Variants in RBFOX3 observed in about 807,000 individuals in gnomAD.
RBFOX3 encodes RNA binding protein fox-1 homolog 3.
A neutral mutation model predicts 48.7 loss-of-function variants in RBFOX3; 17 were observed. The ratio of observed to expected loss-of-function variants is 0.35; its 90% CI spans 0.24 to 0.52. The LOEUF (loss-of-function observed/expected upper bound fraction) is 0.52, where lower values mean the gene tolerates loss of function less well. Among genes scored for constraint, RBFOX3 ranks in the 20% least tolerant of loss-of-function variants. The pLI, the probability that RBFOX3 is intolerant of heterozygous loss-of-function variation, is 0.94. For synonymous variants in RBFOX3, 212 were observed against 209.5 expected (o/e 1.01, Z -0.10); for missense variants, 382 against 497.5 (o/e 0.77, Z 2.21).
At chr17:79,376,383 TG>T (rs2059224447) in intron 2 of RBFOX3, among the ~76,000 whole-genome samples, 1 of 151,806 alleles carries the variant, frequency 6.6e-6, no homozygotes. Context: ...AGAGGGAAGG[TG>T]GGGGTGGCAG....
At chr17:79,583,325 G>T (rs1463577173) in intron 1 of RBFOX3, among the ~76,000 whole-genome samples, 6 of 152,202 alleles carry the variant, frequency 3.9e-5, no homozygotes, top group Non-Finnish European at 2.9e-5. Context: ...CAACTGTTTA[G>T]TCTTTAGAGA....
At chr17:79,581,299 T>C (rs1428789075) in intron 1 of RBFOX3, among the ~76,000 whole-genome samples, 4 of 151,576 alleles carry the variant, frequency 2.6e-5, no homozygotes, top group Non-Finnish European at 5.9e-5. Flanking sequence ...AAAACACCAG[T>C]GCACTTAGGT....
intron 4 of RBFOX3, among the ~76,000 whole-genome samples, chr17:79,157,474 G>C (rs2377306): frequency 0.028 from 4,268 of 152,316 alleles, 181 homozygotes; most frequent in African/African-American, 0.096. Flanking sequence ...CTTCCCCCTG[G>C]GTCACCAAAT....
chr17:79,599,490 G>A (rs1338101581), intron 1 of RBFOX3: 1 of 152,276 alleles, frequency 6.6e-6, no homozygotes, highest in Non-Finnish European at 1.5e-5. Context: ...TTCGTGCCGT[G>A]ACCGTGAAGC....
At chr17:79,407,211 T>C (rs1031204952) in intron 2 of RBFOX3, among the ~76,000 whole-genome samples, 1 of 152,256 alleles carries the variant, frequency 6.6e-6, no homozygotes, top group South Asian at 2.1e-4. Context: ...TTTTGCCATG[T>C]TGGCCAGGCT....
chr17:79,498,461 CCATT>C lies in RBFOX3; in HGVS notation c.-319-15867_-319-15864del, dbSNP rs782533045. Among the ~76,000 whole-genome samples, 210 of 38,694 alleles carry C rather than the reference CCATT, an allele frequency of 5.4e-3. 1 individual carries two copies. The highest frequency in any genetic ancestry group is 0.04 in the South Asian group (32 of 794). 25.4% of individuals were successfully genotyped at this position (38,694 alleles called of 152,430 possible). On this transcript the variant is annotated intron_variant, in intron 1 of 14. Coordinates refer to ENST00000693108, the MANE Select transcript of RBFOX3 (RefSeq NM_001350451.2). ...TCCTTCCACCCACCCATCCATCTAC[CCATT>C]CACTCATCCATCCATCCATCCATAA...
At chr17:79,553,231 T>C (rs985526050) in intron 1 of RBFOX3, among the ~76,000 whole-genome samples, 3,470 of 152,352 alleles carry the variant, frequency 0.023, 98 homozygotes, top group Non-Finnish European at 0.03. Flanking sequence ...AAAAAGATAA[T>C]CGTGTGTTAA....
chr17:79,269,745 GTGTCAACACCC>G (rs1052840538), intron 3 of RBFOX3, among the ~76,000 whole-genome samples: 3 of 150,390 alleles, frequency 2.0e-5, no homozygotes, highest in Non-Finnish European at 2.9e-5. Flanking sequence ...CCTCTCTCCA[GTGTCAACACCC>G]TGTCTTTCCT....
At chr17:79,150,009 T>G (rs1310649164) in intron 4 of RBFOX3, among the ~76,000 whole-genome samples, 2 of 28,388 alleles carry the variant, frequency 7.0e-5, no homozygotes, top group African/African-American at 1.8e-4. Flanking sequence ...GGGTGGGGGA[T>G]GGGGATGGGG....
rs1450449597 is a variant in RBFOX3, at chr17:79,551,479, GTGGA to G, written c.-320+59343_-320+59346del. 7.5e-5 allele frequency among the ~76,000 whole-genome samples: 11 copies of G among 146,748 alleles called. No homozygotes were observed. The East Asian group carries it at 2.2e-3, about 29-fold the overall frequency. ...AATAGGTAGATGGATGAAAAGATGG[GTGGA>G]TGGACGGGTGGGTGGATGGACGGGT... is the stretch of plus-strand genomic sequence containing the variant. On this transcript the variant is annotated intron_variant, in intron 1 of 14. Coordinates refer to ENST00000693108, the MANE Select transcript of RBFOX3 (RefSeq NM_001350451.2).
At chr17:79,602,964 G>C (rs2093740185) in intron 1 of RBFOX3, among the ~76,000 whole-genome samples, 2 of 149,398 alleles carry the variant, frequency 1.3e-5, no homozygotes, top group Non-Finnish European at 3.0e-5. Flanking sequence ...ACCTGCTGCA[G>C]TGCCCCTCTC....
At chr17:79,406,515 C>T (rs991188565) in intron 2 of RBFOX3, among the ~76,000 whole-genome samples, 18 of 152,186 alleles carry the variant, frequency 1.2e-4, no homozygotes, top group South Asian at 6.2e-4. Flanking sequence ...TTGTTTCTCC[C>T]GCCAGGAAAT....
At position 79,245,282 on chromosome 17, in the gene RBFOX3, T is replaced by C. The variant is rs984933043; in HGVS notation, c.-73-9477A>G. On this transcript the variant is annotated intron_variant, in intron 3 of 14. Coordinates refer to ENST00000693108, the MANE Select transcript of RBFOX3 (RefSeq NM_001350451.2). ...GTTGTCCAGGCTGGTTTGGAACTCC[T>C]AATGGGGCACACTAGAGGGACCTAG... Among the ~76,000 whole-genome samples the C allele has an allele frequency of 5.9e-5, 9 of 152,066 alleles. 1 individual carries two copies. The highest frequency in any genetic ancestry group is 5.9e-4 in the Admixed American group (9 of 15,272).
At chr17:79,356,078 G>A (rs889406209) in intron 2 of RBFOX3, among the ~76,000 whole-genome samples, 4 of 152,196 alleles carry the variant, frequency 2.6e-5, no homozygotes, top group African/African-American at 9.7e-5. Context: ...GTGGGGATGT[G>A]CTTTGGGGCG....
chr17:79,097,480 AC>A, intron 10 of RBFOX3, 56 bp from the exon 11 acceptor site: 1 of 1,452,874 alleles, frequency 6.9e-7, no homozygotes, highest in Non-Finnish European at 9.1e-7. Context: ...CCCACCTGGC[AC>A]CCCCTCCCCG....
intron 4 of RBFOX3, among the ~76,000 whole-genome samples, chr17:79,140,360 G>A (rs1274639943): frequency 6.6e-6 from 1 of 152,248 alleles, no homozygotes; most frequent in Non-Finnish European, 1.5e-5. Flanking sequence ...GGCCCTGGAG[G>A]GTGAACCCTG....
At chr17:79,150,246 A>G (rs1043776132) in intron 4 of RBFOX3, among the ~76,000 whole-genome samples, 2 of 151,948 alleles carry the variant, frequency 1.3e-5, no homozygotes, top group Non-Finnish European at 2.9e-5. Context: ...TGAGGCCCTC[A>G]AGGCACAAAG....
chr17:79,207,809 C>T (rs1020372750), intron 4 of RBFOX3, among the ~76,000 whole-genome samples: 13 of 152,208 alleles, frequency 8.5e-5, no homozygotes, highest in Admixed American at 7.8e-4. Context: ...CCTGCACGCT[C>T]ACACCTCCTT....
rs2093667836 is a variant in RBFOX3, at chr17:79,600,008, T to C, written c.-320+10818A>G. 2.0e-5 allele frequency: 3 copies of C among 152,284 alleles called. No individual in the cohort carries two copies. In the South Asian group the frequency reaches 6.2e-4, roughly 32 times the overall value. The allele number at this position is 152,284 out of a possible 1,614,324, so 9.4% of individuals were successfully genotyped here. ...CAAAGACAAAGTTTCCTTGAGGAAA[T>C]TGCCAGAGTCTTCAAGGTACTGAAA... On this transcript the variant is annotated intron_variant, in intron 1 of 14. Transcript: ENST00000693108.
Sources: gnomAD v4.1 joint callset for allele counts (sites outside exome capture counted in the v4.1 genomes callset) on GRCh38, gnomAD v4.1.1 for gene constraint, MANE v1.5 for transcripts, NCBI Gene and HGNC (gene_info 2026-07-23, HGNC 2026-07-21) for gene names.